Variants in BMPR1A observed in about 807,000 individuals in gnomAD.
The protein encoded by BMPR1A is bone morphogenetic protein receptor type 1A, also known as bone morphogenetic protein receptor type-1A.
Under a neutral mutation model 66.0 loss-of-function variants are expected in BMPR1A, and 7 were observed. The observed-to-expected ratio is 0.11, with a 90% CI of 0.06 to 0.20. The LOEUF (loss-of-function observed/expected upper bound fraction) is 0.20, where lower values mean the gene tolerates loss of function less well. BMPR1A is among the 10% of genes least tolerant of loss of function. The pLI is 1.00. For missense variants in BMPR1A, 408 were observed against 669.1 expected (o/e 0.61, Z 4.31); for synonymous variants, 200 against 229.7 (o/e 0.87, Z 1.17).
At chr10:86,889,945 A>T in intron 3 of BMPR1A, 117 bp from the exon 4 acceptor site, 4 of 1,089,478 alleles carry the variant, frequency 3.7e-6, no homozygotes, top group Middle Eastern at 3.0e-4. Flanking sequence ...CTAAAGAAAC[A>T]TGCTAGCTAC....
chr10:86,869,514 T>C (rs1842826690), intron 2 of BMPR1A, among the ~76,000 whole-genome samples: 1 of 150,286 alleles, frequency 6.7e-6, no homozygotes, highest in Admixed American at 6.6e-5. Context: ...CTCAGCACTT[T>C]GGGAGGCAGA....
At chr10:86,757,446 G>A (rs1847894296) in intron 1 of BMPR1A, among the ~76,000 whole-genome samples, 1 of 152,180 alleles carries the variant, frequency 6.6e-6, no homozygotes, top group Non-Finnish European at 1.5e-5. Context: ...TCCGCTCCGT[G>A]GCCTGGTGAT....
rs147073539 is a variant in BMPR1A, at chr10:86,812,175, G to A, written c.-267-26690G>A. ...CATTATACAGAGCAGTTCAGTCACCGGAAAACCTCCTGCTATCCCTTTGCA... is the reference window on the plus strand; with the variant it reads ...CATTATACAGAGCAGTTCAGTCACCAGAAAACCTCCTGCTATCCCTTTGCA... On this transcript the variant is annotated intron_variant, in intron 1 of 12. Coordinates refer to ENST00000372037, the MANE Select transcript of BMPR1A (RefSeq NM_004329.3). 7.8e-4 allele frequency among the ~76,000 whole-genome samples: 118 copies of A among 152,188 alleles called. No homozygotes were observed. In the East Asian group the frequency reaches 0.017, roughly 21 times the overall value.
chr10:86,788,807 A>G (rs575137083), intron 1 of BMPR1A, among the ~76,000 whole-genome samples: 1 of 152,186 alleles, frequency 6.6e-6, no homozygotes, highest in South Asian at 2.1e-4. Flanking sequence ...GGGTTTCATC[A>G]TATTGGCCAG....
chr10:86,891,713 TTATC>T (rs1179754242), intron 4 of BMPR1A, among the ~76,000 whole-genome samples: 8 of 152,214 alleles, frequency 5.3e-5, no homozygotes, highest in Non-Finnish European at 1.0e-4. Context: ...AAGTTTGTTT[TTATC>T]TATTATCATA....
intron 1 of BMPR1A, among the ~76,000 whole-genome samples, chr10:86,786,779 A>T (rs766886659): frequency 6.6e-5 from 10 of 152,220 alleles, no homozygotes; most frequent in Non-Finnish European, 1.3e-4. Context: ...GGCAAATGAA[A>T]TGCAGCTTTC....
At chr10:86,805,377 TACACACAC>T (rs60828047) in intron 1 of BMPR1A, among the ~76,000 whole-genome samples, 8 of 142,984 alleles carry the variant, frequency 5.6e-5, no homozygotes, top group Admixed American at 2.1e-4. Flanking sequence ...CTCCTACCTG[TACACACAC>T]ACACACACAC....
chr10:86,790,361 A>G (rs1367600594), intron 1 of BMPR1A, among the ~76,000 whole-genome samples: 1 of 151,308 alleles, frequency 6.6e-6, no homozygotes, highest in East Asian at 1.9e-4. Context: ...GTGGGAATAT[A>G]AAATCGTGCA....
chr10:86,757,884 A>G (rs1255307048), intron 1 of BMPR1A, among the ~76,000 whole-genome samples: 3 of 152,210 alleles, frequency 2.0e-5, no homozygotes, highest in Non-Finnish European at 2.9e-5. Flanking sequence ...AAGAAAAAAA[A>G]CCAAAACTGT....
intron 3 of BMPR1A, among the ~76,000 whole-genome samples, chr10:86,876,291 G>A (rs1047224241): frequency 6.6e-6 from 1 of 152,144 alleles, no homozygotes; most frequent in African/African-American, 2.4e-5. Flanking sequence ...TGAAATCTCA[G>A]TCTGAGTCTG....
intron 5 of BMPR1A, among the ~76,000 whole-genome samples, chr10:86,896,603 CATTT>C (rs1478930058): frequency 2.0e-5 from 3 of 152,022 alleles, no homozygotes; most frequent in African/African-American, 4.8e-5. Context: ...AGCATTTGTT[CATTT>C]ATTCTTTAAA....
chr10:86,855,246 A>G, intron 2 of BMPR1A: 1 of 1,074,400 alleles, frequency 9.3e-7, no homozygotes, highest in Admixed American at 2.9e-5. Context: ...TTTCAGACAC[A>G]CAGAAGCATA....
intron 2 of BMPR1A, among the ~76,000 whole-genome samples, chr10:86,848,592 T>C (rs1842519401): frequency 6.6e-6 from 1 of 152,210 alleles, no homozygotes; most frequent in Admixed American, 6.5e-5. Context: ...TTTTTGCTTT[T>C]AACATACTAC....
chr10:86,859,644 T>A (rs766448926), intron 2 of BMPR1A, among the ~76,000 whole-genome samples: 27 of 152,090 alleles, frequency 1.8e-4, no homozygotes, highest in Middle Eastern at 3.4e-3. Flanking sequence ...ACGCCATCTC[T>A]ACTAAAAATA....
At chr10:86,846,321 G>C (rs1842484396) in intron 2 of BMPR1A, among the ~76,000 whole-genome samples, 2 of 152,158 alleles carry the variant, frequency 1.3e-5, no homozygotes, top group East Asian at 3.9e-4. Flanking sequence ...AGGCTCCATT[G>C]ACGGGCCTGG....
rs1348933756 is a variant in BMPR1A at position 86,906,760 on chromosome 10, A to C, written c.531-5480A>C. Among the ~76,000 whole-genome samples, 13 of 143,858 alleles carry C rather than the reference A, an allele frequency of 9.0e-5. 4 individuals are homozygous for C. Among genetic ancestry groups the C allele is most frequent in the Non-Finnish European group, 1.5e-4 (10 of 65,324 alleles). 94.4% of individuals were successfully genotyped at this position (143,858 alleles called of 152,430 possible). On this transcript the variant is annotated intron_variant, in intron 7 of 12. Transcript: ENST00000372037. Reference sequence around the variant, plus strand: ...AAAAAAAAAAAAAAAAAAAAAAAAAAAACACTTTGTCCTTTTATCTGTCTC... The same window carrying C: ...AAAAAAAAAAAAAAAAAAAAAAAAACAACACTTTGTCCTTTTATCTGTCTC...
intron 1 of BMPR1A, among the ~76,000 whole-genome samples, chr10:86,758,270 C>T (rs1257386059): frequency 6.6e-6 from 1 of 152,198 alleles, no homozygotes; most frequent in Non-Finnish European, 1.5e-5. Context: ...CTTCACTTCT[C>T]CCCACCCTTT....
At chr10:86,835,549 CAAAAAAAAAAAAAAAAAAA>C (rs55804247) in intron 1 of BMPR1A, among the ~76,000 whole-genome samples, 2,914 of 44,358 alleles carry the variant, frequency 0.066, 91 homozygotes, top group South Asian at 0.18. Context: ...GACTCTGTAT[CAAAAAAAAAAAAAAAAAAA>C]AAAAAAAAAA....
chr10:86,834,705 A>G (rs1842317003), intron 1 of BMPR1A, among the ~76,000 whole-genome samples: 1 of 152,304 alleles, frequency 6.6e-6, no homozygotes. Context: ...ACTATCCTAA[A>G]GTAACTGTTC....
Sources: gnomAD v4.1 joint callset for allele counts (sites outside exome capture counted in the v4.1 genomes callset) on GRCh38, gnomAD v4.1.1 for gene constraint, MANE v1.5 for transcripts, NCBI Gene and HGNC (gene_info 2026-07-23, HGNC 2026-07-21) for gene names.